The following RBFOX3 variants were observed in gnomAD, a reference collection of about 807,000 sequenced individuals.
The protein encoded by RBFOX3 is RNA binding protein fox-1 homolog 3.
Under a neutral mutation model 48.7 loss-of-function variants are expected in RBFOX3, and 17 were observed. The observed-to-expected ratio is 0.35, with a 90% confidence interval of 0.24 to 0.52. The LOEUF is 0.52. RBFOX3 is among the 20% of genes least tolerant of loss of function. The pLI is 0.94. For synonymous variants in RBFOX3, 212 were observed against 209.5 expected (o/e 1.01, Z -0.10); for missense variants, 382 against 497.5 (o/e 0.77, Z 2.21).
At chr17:79,463,878 T>A (rs1185905102) in intron 2 of RBFOX3, among the ~76,000 whole-genome samples, 2 of 127,556 alleles carry the variant, frequency 1.6e-5, no homozygotes, top group Non-Finnish European at 3.3e-5. Context: ...CCACTGCCAC[T>A]GCCACCACCA....
Position 79,199,302 on chromosome 17 carries a change from C to T in RBFOX3, c.-34+36464G>A, listed in dbSNP as rs1407126442. Among the ~76,000 whole-genome samples the T allele has an allele frequency of 1.3e-5, 2 of 152,194 alleles. No individual in the cohort carries two copies. The highest frequency in any genetic ancestry group is 2.1e-4 in the South Asian group (1 of 4,828). ...CCTTCCGGTGGACTTCACACCTGCA[C>T]GGCACCTCCTGGCTCTCATTCATCC... On this transcript the variant is annotated intron_variant, in intron 4 of 14. Coordinates refer to ENST00000693108, the MANE Select transcript of RBFOX3 (RefSeq NM_001350451.2). This position sits in a 1 kb window ranked among gnomAD's most constrained non-coding sequence, Gnocchi z 5.1.
At chr17:79,109,875 T>C (rs2030185855) in intron 5 of RBFOX3, among the ~76,000 whole-genome samples, 1 of 151,762 alleles carries the variant, frequency 6.6e-6, no homozygotes, top group Admixed American at 6.6e-5. Flanking sequence ...AAGGGGGTGA[T>C]GGGGTGTGAG....
In RBFOX3 at chr17:79,364,155, A is replaced by G. The variant is rs1049178905; in HGVS notation, c.-174-56331T>C. On this transcript the variant is annotated intron_variant, in intron 2 of 14. Coordinates refer to ENST00000693108, the MANE Select transcript of RBFOX3 (RefSeq NM_001350451.2). This position sits in a 1 kb window ranked among gnomAD's most constrained non-coding sequence, Gnocchi z 5.1. Reference sequence around the variant, plus strand: ...CAGTCATTTAAACAGCCCCATGCCCAGAAGGCAGGCTCCGTGGGAACTGGT... The same window carrying G: ...CAGTCATTTAAACAGCCCCATGCCCGGAAGGCAGGCTCCGTGGGAACTGGT... 6.6e-6 allele frequency among the ~76,000 whole-genome samples: 1 copy of G among 152,246 alleles called. No individual in the cohort carries two copies. The highest frequency in any genetic ancestry group is 1.5e-5 in the Non-Finnish European group (1 of 68,046).
intron 2 of RBFOX3, among the ~76,000 whole-genome samples, chr17:79,375,400 C>CACAT (rs55904215): frequency 2.0e-5 from 3 of 149,690 alleles, no homozygotes; most frequent in East Asian, 1.9e-4. Flanking sequence ...CACACACACA[C>CACAT]GAAGCTCTTC....
intron 1 of RBFOX3, among the ~76,000 whole-genome samples, chr17:79,587,590 C>T (rs917971187): frequency 1.6e-3 from 240 of 152,324 alleles, no homozygotes; most frequent in Non-Finnish European, 2.5e-3. Context: ...CAGCCAGGAC[C>T]CTCAGCCCCA....
In RBFOX3 at chr17:79,538,565, A is replaced by G. The variant is rs556444678; in HGVS notation, c.-319-55967T>C. Among the ~76,000 whole-genome samples the G allele has an allele frequency of 6.6e-4, 100 of 152,324 alleles. 2 individuals carry two copies. The highest frequency in any genetic ancestry group is 3.8e-3 in the Admixed American group (58 of 15,304). On this transcript the variant is annotated intron_variant, in intron 1 of 14. Coordinates refer to ENST00000693108, the MANE Select transcript of RBFOX3 (RefSeq NM_001350451.2). ...CTAGGCACAGTAAGAGCAGGACAGT[A>G]AAGGCGGGTGGGCTTTGAGAATCAT...
intron 2 of RBFOX3, among the ~76,000 whole-genome samples, chr17:79,427,556 T>C (rs62061672): frequency 0.04 from 6,093 of 152,310 alleles, 166 homozygotes; most frequent in South Asian, 0.09. Flanking sequence ...CACTGTCCCA[T>C]TGAAGGCACC....
chr17:79,438,083 CACACACACAGGT>C (rs2148966035), intron 2 of RBFOX3, among the ~76,000 whole-genome samples: 1 of 127,380 alleles, frequency 7.9e-6, no homozygotes, highest in South Asian at 2.9e-4. Flanking sequence ...TGTATACATG[CACACACACAGGT>C]GCACAGGCGC....
At chr17:79,265,187 C>T (rs935755916) in intron 3 of RBFOX3, among the ~76,000 whole-genome samples, 1 of 152,202 alleles carries the variant, frequency 6.6e-6, no homozygotes. Flanking sequence ...AACCCTCTCA[C>T]CACCCTTCAG....
At chr17:79,611,174 C>CTCTCTCTCTCTCT (rs1568454632), upstream of RBFOX3, among the ~76,000 whole-genome samples, 1 of 16,436 alleles carries the variant, frequency 6.1e-5, no homozygotes, top group African/African-American at 2.7e-4. Flanking sequence ...CTCTCTCTCT[C>CTCTCTCTCTCTCT]CGCCCTCCTT....
chr17:79,492,929 G>A (rs768522865), intron 1 of RBFOX3, among the ~76,000 whole-genome samples: 205 of 152,298 alleles, frequency 1.3e-3, no homozygotes, highest in Non-Finnish European at 2.5e-3. Flanking sequence ...AGACAAGGCT[G>A]AGAAACACAA....
intron 4 of RBFOX3, among the ~76,000 whole-genome samples, chr17:79,169,209 G>T (rs2048635131): frequency 6.6e-6 from 1 of 152,204 alleles, no homozygotes; most frequent in Non-Finnish European, 1.5e-5. Context: ...ATGCAGGGGG[G>T]TGCCCACCTC....
rs190333919 is a variant in RBFOX3, at chr17:79,254,748, G to A, written c.-73-18943C>T. 1.1e-3 allele frequency among the ~76,000 whole-genome samples: 175 copies of A among 152,312 alleles called. 1 individual carries two copies. The highest frequency in any genetic ancestry group is 4.1e-3 in the African/African-American group (172 of 41,556). Reference sequence around the variant, plus strand: ...CCTGCCTGAGTGGGTGCCTTACCTGGACAGTATCCAGGTGGACAGGTGCCT... The same window carrying A: ...CCTGCCTGAGTGGGTGCCTTACCTGAACAGTATCCAGGTGGACAGGTGCCT... On this transcript the variant is annotated intron_variant, in intron 3 of 14. Transcript: ENST00000693108. This position sits in a 1 kb window ranked among gnomAD's most constrained non-coding sequence, Gnocchi z 4.8.
chr17:79,551,285 A>G (rs2091119630), intron 1 of RBFOX3, among the ~76,000 whole-genome samples: 1 of 152,090 alleles, frequency 6.6e-6, no homozygotes, highest in Non-Finnish European at 1.5e-5. Flanking sequence ...GGAACTTGCA[A>G]AGCCAGGGGC....
intron 2 of RBFOX3, among the ~76,000 whole-genome samples, chr17:79,475,576 A>G (rs1598855859): frequency 6.6e-6 from 1 of 152,158 alleles, no homozygotes; most frequent in Non-Finnish European, 1.5e-5. Flanking sequence ...GTCTTTGCAG[A>G]TGTGATGAAG....
chr17:79,297,477 A>G (rs971430316), intron 3 of RBFOX3, among the ~76,000 whole-genome samples: 2 of 152,086 alleles, frequency 1.3e-5, no homozygotes, highest in African/African-American at 4.8e-5. Flanking sequence ...ATCCCCCGGT[A>G]CCACTGAGAC....
intron 4 of RBFOX3, among the ~76,000 whole-genome samples, chr17:79,147,549 T>C (rs1049917350): frequency 1.8e-4 from 28 of 151,944 alleles, no homozygotes; most frequent in African/African-American, 2.9e-4. Flanking sequence ...GAGGATCTCA[T>C]TGGGGAGGGG....
chr17:79,430,988 T>G (rs538419064), intron 2 of RBFOX3, among the ~76,000 whole-genome samples: 2 of 152,314 alleles, frequency 1.3e-5, no homozygotes, highest in African/African-American at 2.4e-5. Flanking sequence ...GTCTGATAGG[T>G]GCCGAAGATT....
chr17:79,357,515 C>T (rs112606127), intron 2 of RBFOX3, among the ~76,000 whole-genome samples: 18,595 of 152,080 alleles, frequency 0.12, 1,216 homozygotes, highest in East Asian at 0.2. Context: ...CCTGTAGTCC[C>T]AGCTACTTGG....
Sources: allele counts gnomAD v4.1 joint callset (sites outside exome capture counted in the v4.1 genomes callset), GRCh38; gene constraint gnomAD v4.1.1; non-coding constraint Gnocchi (gnomAD v3.1); transcripts MANE v1.5; gene names NCBI Gene and HGNC (gene_info 2026-07-23, HGNC 2026-07-21).